Variants in KLHL13 observed in about 807,000 individuals in gnomAD.
The protein encoded by KLHL13 is kelch like family member 13.
In KLHL13, 10 loss-of-function variants were observed where a neutral mutation model predicts 37.1. The observed-to-expected ratio is 0.27, with a 90% CI of 0.17 to 0.46. The LOEUF (loss-of-function observed/expected upper bound fraction) is 0.46, where lower values mean the gene tolerates loss of function less well. Ranked by LOEUF, KLHL13 falls within the 20% of genes least tolerant of loss-of-function variation. The pLI, the probability that KLHL13 is intolerant of heterozygous loss-of-function variation, is 1.00. For synonymous variants in KLHL13, 163 were observed against 181.2 expected (o/e 0.90, Z 0.81); for missense variants, 360 against 509.3 (o/e 0.71, Z 2.82).
At chrX:117,935,962 T>A (rs933789046) in intron 2 of KLHL13, among the ~76,000 whole-genome samples, 5 of 111,684 alleles carry the variant, frequency 4.5e-5, no homozygotes, top group Admixed American at 1.9e-4. Flanking sequence ...AAGCCATTGA[T>A]TTGCACAATA....
At chrX:118,013,817 A>G (rs746312801) in intron 1 of KLHL13, among the ~76,000 whole-genome samples, 1 of 112,662 alleles carries the variant, frequency 8.9e-6, no homozygotes, top group East Asian at 2.8e-4. Context: ...ATGGACATTT[A>G]TCAATTCCCA....
At chrX:117,948,720 AC>A (rs1933442684) in intron 1 of KLHL13, among the ~76,000 whole-genome samples, 1 of 111,568 alleles carries the variant, frequency 9.0e-6, no homozygotes, top group South Asian at 3.7e-4. Flanking sequence ...CTACCCAATC[AC>A]CACAGCAGAC....
At chrX:118,066,699 C>G (rs757251978) in intron 1 of KLHL13, among the ~76,000 whole-genome samples, 1 of 110,775 alleles carries the variant, frequency 9.0e-6, no homozygotes, top group African/African-American at 3.3e-5. Flanking sequence ...AATGAAAGGA[C>G]AAACCACAAA....
At chrX:118,102,986 A>G (rs1030976533) in intron 1 of KLHL13, among the ~76,000 whole-genome samples, 7 of 112,267 alleles carry the variant, frequency 6.2e-5, no homozygotes, top group Admixed American at 3.8e-4. Context: ...TGACCCTCTT[A>G]TATCAGACCA....
intron 2 of KLHL13, among the ~76,000 whole-genome samples, chrX:117,935,129 C>T (rs950741126): frequency 1.8e-5 from 2 of 111,974 alleles, no homozygotes; most frequent in Non-Finnish European, 3.8e-5. Context: ...AAGGTATATA[C>T]CAAAAAGAAA....
intron 1 of KLHL13, among the ~76,000 whole-genome samples, chrX:118,054,277 GA>G (rs1239555838): frequency 1.8e-5 from 2 of 110,929 alleles, no homozygotes; most frequent in Non-Finnish European, 3.8e-5. Context: ...CACCTTATCA[GA>G]AAGCTGTTTA....
intron 1 of KLHL13, among the ~76,000 whole-genome samples, chrX:118,032,655 A>G (rs1569297967): frequency 8.9e-6 from 1 of 112,184 alleles, no homozygotes. Context: ...ACAGAGCAGA[A>G]AAACTGGAAA....
At chrX:118,049,161 T>C (rs982219543) in intron 1 of KLHL13, among the ~76,000 whole-genome samples, 2 of 111,883 alleles carry the variant, frequency 1.8e-5, no homozygotes, top group African/African-American at 6.5e-5. Flanking sequence ...GTCTCACTTA[T>C]GAATTAAACT....
intron 1 of KLHL13, among the ~76,000 whole-genome samples, chrX:118,091,798 A>T (rs1315557560): frequency 1.8e-5 from 2 of 110,805 alleles, no homozygotes; most frequent in Non-Finnish European, 3.8e-5. Flanking sequence ...AAGAAAATCC[A>T]CTCTAGGATA....
At chrX:117,925,748 G>A (rs1382794444) in intron 2 of KLHL13, among the ~76,000 whole-genome samples, 1 of 111,826 alleles carries the variant, frequency 8.9e-6, no homozygotes, top group Non-Finnish European at 1.9e-5. Context: ...TATATACTCT[G>A]ACCCGTCTTA....
chrX:117,989,279 C>T (rs2053761286), intron 1 of KLHL13, among the ~76,000 whole-genome samples: 1 of 110,785 alleles, frequency 9.0e-6, no homozygotes, highest in Admixed American at 9.7e-5. Context: ...TTAATATTCC[C>T]ATTTTACTCA....
At chrX:118,049,177 T>TA (rs1323370693) in intron 1 of KLHL13, among the ~76,000 whole-genome samples, 1 of 111,847 alleles carries the variant, frequency 8.9e-6, no homozygotes, top group Non-Finnish European at 1.9e-5. Context: ...AAACTGATGC[T>TA]ATATAAAAGA....
chrX:118,066,657 C>A lies in KLHL13; in HGVS notation c.-56+49851G>T, dbSNP rs138860084. Reference sequence around the variant, plus strand: ...TGACAAAATGATCTTTATCAAATTACAATATTTTGTTCTGAGAAAGACTAC... The same window carrying A: ...TGACAAAATGATCTTTATCAAATTAAAATATTTTGTTCTGAGAAAGACTAC... On this transcript the variant is annotated intron_variant, in intron 1 of 6. Transcript: ENST00000371882. Among the ~76,000 whole-genome samples the A allele has an allele frequency of 8.5e-3, 944 of 110,878 alleles. 9 individuals are homozygous for A. Among genetic ancestry groups the A allele is most frequent in the African/African-American group, 0.028 (850 of 30,547 alleles).
intron 1 of KLHL13, among the ~76,000 whole-genome samples, chrX:118,032,414 T>C (rs5956001): frequency 0.055 from 6,181 of 111,525 alleles, 412 homozygotes; most frequent in African/African-American, 0.18. Flanking sequence ...AGACTGCCTC[T>C]TCAAGTGGGT....
intron 1 of KLHL13, among the ~76,000 whole-genome samples, chrX:118,069,154 C>CACACACACACACACACACACACACA (rs2054828657): frequency 9.2e-6 from 1 of 108,899 alleles, no homozygotes; most frequent in African/African-American, 3.3e-5. Flanking sequence ...CACACCCTCA[C>CACACACACACACACACACACACACA]CTGAACTGAA....
intron 1 of KLHL13, among the ~76,000 whole-genome samples, chrX:118,053,773 G>GTGTGTGTGTGTGTGTC (rs1416966345): frequency 1.3e-4 from 11 of 85,980 alleles, no homozygotes; most frequent in African/African-American, 5.6e-4. Flanking sequence ...ATTTGTGTGT[G>GTGTGTGTGTGTGTGTC]TGTGTGTGTG....
At chrX:117,956,429 C>T (rs775862010) in intron 1 of KLHL13, among the ~76,000 whole-genome samples, 5 of 110,782 alleles carry the variant, frequency 4.5e-5, no homozygotes, top group Non-Finnish European at 9.5e-5. Flanking sequence ...TAGAACATAC[C>T]ATTGTGATAA....
At chrX:117,937,740 A>G (rs1245162560) in intron 2 of KLHL13, among the ~76,000 whole-genome samples, 3 of 111,926 alleles carry the variant, frequency 2.7e-5, no homozygotes. Context: ...AGCTTTATTG[A>G]GATACAATTT....
intron 1 of KLHL13, among the ~76,000 whole-genome samples, chrX:118,074,961 G>T (rs182390920): frequency 8.9e-6 from 1 of 111,928 alleles, no homozygotes; most frequent in African/African-American, 3.2e-5. Context: ...TACTGGTTCA[G>T]CCCCTTTGGA....
Sources: allele counts gnomAD v4.1 joint callset (sites outside exome capture counted in the v4.1 genomes callset), GRCh38; gene constraint gnomAD v4.1.1; transcripts MANE v1.5; gene names NCBI Gene and HGNC (gene_info 2026-07-23, HGNC 2026-07-21).